Variants in KCNG3 observed in about 807,000 individuals in gnomAD.
The protein encoded by KCNG3 is potassium voltage-gated channel modifier subfamily G member 3, also known as voltage-gated potassium channel regulatory subunit KCNG3.
A neutral mutation model predicts 29.0 loss-of-function variants in KCNG3; 15 were observed. That is an observed-to-expected ratio of 0.52 (90% CI 0.35 to 0.80). The LOEUF (loss-of-function observed/expected upper bound fraction) is 0.80, where lower values mean the gene tolerates loss of function less well. Ranked by LOEUF, KCNG3 falls within the 30% of genes least tolerant of loss-of-function variation. KCNG3 has a pLI of 0.01. For missense variants in KCNG3, 512 were observed against 605.7 expected, an observed-to-expected ratio of 0.85 and a Z score of 1.62; for synonymous variants, 322 against 248.9, an observed-to-expected ratio of 1.29 and a Z score of -2.76.
downstream of KCNG3, among the ~76,000 whole-genome samples, chr2:42,439,687 C>T (rs1273668962): frequency 6.6e-6 from 1 of 150,768 alleles, no homozygotes; most frequent in African/African-American, 2.4e-5. Flanking sequence ...ACTTTTGTCA[C>T]CCAGGGTGGA....
chr2:42,402,867 G>C, the KCNG3 span, among the ~76,000 whole-genome samples: 1 of 152,130 alleles, frequency 6.6e-6, no homozygotes, highest in African/African-American at 2.4e-5. Flanking sequence ...AATTGTCACA[G>C]CTGTTCATCT....
intron 1 of KCNG3, among the ~76,000 whole-genome samples, 174 bp downstream of exon 1, chr2:42,492,663 C>CG (rs1673918758): frequency 6.6e-6 from 1 of 152,196 alleles, no homozygotes; most frequent in African/African-American, 2.4e-5. Context: ...CCCCGGACAA[C>CG]GGGGTAGGAG....
Position 42,452,220 on chromosome 2 carries a change from A to AATATATATATAT in KCNG3, c.666-7653_666-7642dup, listed in dbSNP as rs869226338. ...TCACATCAGGGTAAATGGGGTGGTA[A>AATATATATATAT]ATATATATATATATATATATATATT... On this transcript the variant is annotated intron_variant, in intron 1 of 1. Coordinates refer to ENST00000306078, the MANE Select transcript of KCNG3 (RefSeq NM_133329.6). Among the ~76,000 whole-genome samples the AATATATATATAT allele has an allele frequency of 5.4e-4, 57 of 104,646 alleles. 1 individual carries two copies. Among genetic ancestry groups the AATATATATATAT allele is most frequent in the East Asian group, 2.9e-3 (8 of 2,774 alleles). The allele number at this position is 104,646 out of a possible 152,430, so 68.7% of individuals were successfully genotyped here.
chr2:42,484,570 G>A (rs1402878404), intron 1 of KCNG3, among the ~76,000 whole-genome samples: 1 of 152,232 alleles, frequency 6.6e-6, no homozygotes, highest in Non-Finnish European at 1.5e-5. Flanking sequence ...ACACGCACAT[G>A]TGTATATATG....
At chr2:42,480,350 G>C (rs1673550910) in intron 1 of KCNG3, among the ~76,000 whole-genome samples, 1 of 152,230 alleles carries the variant, frequency 6.6e-6, no homozygotes, top group Middle Eastern at 3.4e-3. Flanking sequence ...ACGTGCCTGA[G>C]GTCCTGTAGC....
At chr2:42,428,228 G>C in the KCNG3 span, among the ~76,000 whole-genome samples, 1 of 151,542 alleles carries the variant, frequency 6.6e-6, no homozygotes, top group Non-Finnish European at 1.5e-5. Context: ...GGGAGGCCGA[G>C]GCAGGTGGAT....
At chr2:42,405,722 C>T in the KCNG3 span, among the ~76,000 whole-genome samples, 3 of 152,174 alleles carry the variant, frequency 2.0e-5, no homozygotes, top group African/African-American at 4.8e-5. Flanking sequence ...ATCCTCCTGC[C>T]TCAGCCTCCC....
the KCNG3 span, among the ~76,000 whole-genome samples, chr2:42,433,019 C>G: frequency 6.6e-6 from 1 of 150,832 alleles, no homozygotes; most frequent in African/African-American, 2.4e-5. Flanking sequence ...TAAAGGGAAT[C>G]TATGGAAAAA....
At chr2:42,399,056 C>CTTT in the KCNG3 span, among the ~76,000 whole-genome samples, 7 of 107,626 alleles carry the variant, frequency 6.5e-5, no homozygotes, top group Non-Finnish European at 7.3e-5. Flanking sequence ...TTTTTCTTTT[C>CTTT]TTTTTTTTTT....
At position 42,444,565 on chromosome 2, in the gene KCNG3, A is replaced by G. The variant is rs1341385048; in HGVS notation, c.680T>C (p.Ile227Thr). ...CTCGGCAGTGAACCAACCTATGCAG[A>G]TAGCTTCAATTATCCTGTCAAGAGA... ...GREPSGIIEA[I>T]CIGWFTAECI... Residue 227 changes from isoleucine (I) to threonine (T), a missense_variant, in exon 2 of 2, where the codon ATC becomes ACC. Coordinates refer to ENST00000306078, the MANE Select transcript of KCNG3 (RefSeq NM_133329.6). The surrounding 1 kb of genome is among the most constrained non-coding windows in gnomAD (Gnocchi z 5.8). 1 of 1,606,556 alleles carries G rather than the reference A, an allele frequency of 6.2e-7. No individual in the cohort carries two copies. Among genetic ancestry groups the G allele is most frequent in the African/African-American group, 1.3e-5 (1 of 74,672 alleles).
At chr2:42,394,499 T>C in the KCNG3 span, among the ~76,000 whole-genome samples, 1 of 152,198 alleles carries the variant, frequency 6.6e-6, no homozygotes, top group East Asian at 1.9e-4. Context: ...CACATCTTCC[T>C]CTTTTTTTCT....
chr2:42,447,043 C>G (rs2103665181), intron 1 of KCNG3, among the ~76,000 whole-genome samples: 1 of 149,472 alleles, frequency 6.7e-6, no homozygotes, highest in East Asian at 1.9e-4. Flanking sequence ...ATGATCACAC[C>G]ACTGCACTCT....
chr2:42,492,724 G>A lies in KCNG3; in HGVS notation c.665+113C>T, dbSNP rs1473687109. 4.8e-6 allele frequency: 5 copies of A among 1,052,224 alleles called. 1 individual carries two copies. Among genetic ancestry groups the A allele is most frequent in the Non-Finnish European group, 5.0e-6 (4 of 793,572 alleles). The allele number at this position is 1,052,224 out of a possible 1,614,324, so 65.2% of individuals were successfully genotyped here. A position where few individuals can be genotyped will look rare whatever the true frequency, so the allele number is the denominator to read the frequency against. ...GCCGCGCCTGGGCCTCGCTGGGCGC[G>A]CACCCCGCTGGCTCGGTCGCCCGGA... is the stretch of plus-strand genomic sequence containing the variant. On this transcript the variant is annotated intron_variant, in intron 1 of 1. Coordinates refer to ENST00000306078, the MANE Select transcript of KCNG3 (RefSeq NM_133329.6).
intron 1 of KCNG3, among the ~76,000 whole-genome samples, chr2:42,492,484 G>C (rs972882991): frequency 6.6e-6 from 1 of 152,220 alleles, no homozygotes; most frequent in Non-Finnish European, 1.5e-5. Context: ...AGGCTTAATT[G>C]TTGAACCCTA....
At chr2:42,492,417 T>C (rs530197892) in intron 1 of KCNG3, among the ~76,000 whole-genome samples, 7 of 152,338 alleles carry the variant, frequency 4.6e-5, no homozygotes, top group South Asian at 2.1e-4. Flanking sequence ...ATAACAAGAA[T>C]CCATCTTTCC....
downstream of KCNG3, among the ~76,000 whole-genome samples, chr2:42,441,043 G>A (rs1417297165): frequency 1.3e-5 from 2 of 152,088 alleles, no homozygotes; most frequent in African/African-American, 2.4e-5. Context: ...AGAGATGTCT[G>A]TAAGTATAGC....
the KCNG3 span, among the ~76,000 whole-genome samples, chr2:42,394,320 A>G: frequency 3.3e-5 from 5 of 152,212 alleles, no homozygotes; most frequent in Admixed American, 6.5e-5. Flanking sequence ...ACACCACGGC[A>G]CAGCAAACAG....
chr2:42,462,419 C>T (rs1357757869), intron 1 of KCNG3, among the ~76,000 whole-genome samples: 1 of 152,202 alleles, frequency 6.6e-6, no homozygotes, highest in African/African-American at 2.4e-5. Context: ...GATCCCTTAG[C>T]CGGGTGCAGT....
chr2:42,402,203 G>C, the KCNG3 span, among the ~76,000 whole-genome samples: 1 of 152,174 alleles, frequency 6.6e-6, no homozygotes, highest in African/African-American at 2.4e-5. Context: ...CAGAACCCCT[G>C]CTTCTCAGAC....
Sources: allele counts gnomAD v4.1 joint callset (sites outside exome capture counted in the v4.1 genomes callset), GRCh38; gene constraint gnomAD v4.1.1; non-coding constraint Gnocchi (gnomAD v3.1); transcripts MANE v1.5; gene names NCBI Gene and HGNC (gene_info 2026-07-23, HGNC 2026-07-21).